The following SYT1 variants were observed in gnomAD, a reference collection of about 807,000 sequenced individuals.
SYT1 encodes the protein synaptotagmin-1.
SYT1 carries 8 observed loss-of-function variants against 44.8 expected under a neutral mutation model. The ratio of observed to expected loss-of-function variants is 0.18; its 90% confidence interval spans 0.10 to 0.32. The LOEUF (loss-of-function observed/expected upper bound fraction) is 0.32. SYT1 is among the 10% of genes least tolerant of loss of function. The pLI is 1.00. For missense variants in SYT1, 286 were observed against 509.3 expected (o/e 0.56, Z 4.22); for synonymous variants, 154 against 188.8 (o/e 0.82, Z 1.51).
intron 1 of SYT1, among the ~76,000 whole-genome samples, chr12:78,920,983 A>G (rs1423142484): frequency 6.6e-6 from 1 of 151,736 alleles, no homozygotes; most frequent in Non-Finnish European, 1.5e-5. Flanking sequence ...TAGATTATCT[A>G]TTTTCTTCTC....
chr12:79,259,945 C>G (rs1208027372), intron 4 of SYT1, among the ~76,000 whole-genome samples: 12 of 152,050 alleles, frequency 7.9e-5, no homozygotes, highest in Admixed American at 7.9e-4. Context: ...ATTTTTCAGG[C>G]CTTGAATAAA....
At chr12:78,887,905 G>T (rs778559646) in intron 1 of SYT1, among the ~76,000 whole-genome samples, 3 of 151,722 alleles carry the variant, frequency 2.0e-5, no homozygotes, top group East Asian at 1.9e-4. Flanking sequence ...TTGAAGACAG[G>T]TTTACACTGT....
intron 1 of SYT1, among the ~76,000 whole-genome samples, chr12:78,891,351 G>C (rs537972641): frequency 6.6e-6 from 1 of 152,000 alleles, no homozygotes; most frequent in Non-Finnish European, 1.5e-5. Flanking sequence ...CATCGATTTG[G>C]TTAGGAATAG....
At chr12:79,360,530 G>A (rs543607388) in intron 9 of SYT1, among the ~76,000 whole-genome samples, 80 of 152,150 alleles carry the variant, frequency 5.3e-4, no homozygotes, top group African/African-American at 1.9e-3. Context: ...TCTGGGAGCC[G>A]GGCCAATAAA....
chr12:78,867,058 G>A (rs1374148106), intron 1 of SYT1, among the ~76,000 whole-genome samples: 29 of 143,128 alleles, frequency 2.0e-4, no homozygotes, highest in Non-Finnish European at 1.5e-4. Context: ...ACATTTAAAT[G>A]AAAAAAAAAA....
intron 3 of SYT1, among the ~76,000 whole-genome samples, chr12:79,050,826 C>T (rs1273857300): frequency 6.6e-6 from 1 of 151,970 alleles, no homozygotes; most frequent in Non-Finnish European, 1.5e-5. Context: ...ACAAGTTTTA[C>T]TTAGTCAATA....
At chr12:79,299,119 T>C (rs1313871473) in intron 7 of SYT1, among the ~76,000 whole-genome samples, 1 of 152,120 alleles carries the variant, frequency 6.6e-6, no homozygotes, top group East Asian at 1.9e-4. Context: ...ATAGTATAAC[T>C]AACAGCAGGA....
At chr12:79,355,652 C>T (rs752726020) in intron 9 of SYT1, among the ~76,000 whole-genome samples, 2 of 152,166 alleles carry the variant, frequency 1.3e-5, no homozygotes, top group African/African-American at 2.4e-5. Flanking sequence ...TTGACCAACA[C>T]ACTCTTTTGC....
intron 2 of SYT1, among the ~76,000 whole-genome samples, chr12:79,000,306 T>C (rs1400687620): frequency 4.0e-5 from 6 of 150,060 alleles, no homozygotes; most frequent in Non-Finnish European, 8.9e-5. Flanking sequence ...TTTTTTTTTT[T>C]TTTTGTGACA....
intron 3 of SYT1, among the ~76,000 whole-genome samples, chr12:79,209,763 G>A (rs1459625479): frequency 1.3e-5 from 2 of 152,220 alleles, no homozygotes; most frequent in East Asian, 1.9e-4. Context: ...CCTCACTTAC[G>A]GATTCTACCT....
intron 3 of SYT1, among the ~76,000 whole-genome samples, chr12:79,069,995 A>C (rs1876153664): frequency 6.6e-6 from 1 of 152,162 alleles, no homozygotes; most frequent in African/African-American, 2.4e-5. Flanking sequence ...CAGGGTTATA[A>C]GAGTGTTCAA....
At chr12:79,129,169 T>C (rs559776967) in intron 3 of SYT1, among the ~76,000 whole-genome samples, 1 of 152,318 alleles carries the variant, frequency 6.6e-6, no homozygotes, top group East Asian at 1.9e-4. Context: ...ACTGCAATAA[T>C]TGGTGTGGCA....
intron 3 of SYT1, among the ~76,000 whole-genome samples, chr12:79,177,970 C>T (rs1384019824): frequency 1.1e-4 from 17 of 149,406 alleles, no homozygotes; most frequent in East Asian, 2.0e-4. Flanking sequence ...GAGTAGTTTG[C>T]GAAAATTTTC....
intron 3 of SYT1, among the ~76,000 whole-genome samples, chr12:79,107,042 A>C (rs138929691): frequency 2.6e-5 from 4 of 152,134 alleles, no homozygotes; most frequent in African/African-American, 9.6e-5. Flanking sequence ...ATATAAATAA[A>C]ATTATAAATG....
At chr12:79,397,135 A>C (rs1295035213) in intron 9 of SYT1, among the ~76,000 whole-genome samples, 1 of 152,244 alleles carries the variant, frequency 6.6e-6, no homozygotes, top group African/African-American at 2.4e-5. Context: ...ATGAGGTCTC[A>C]GAGGCAGGCA....
chr12:79,002,280 C>T (rs1268896162), intron 2 of SYT1, among the ~76,000 whole-genome samples: 2 of 152,040 alleles, frequency 1.3e-5, no homozygotes, highest in Non-Finnish European at 2.9e-5. Context: ...CCTCCCCAGT[C>T]GAAAGACTAT....
At chr12:78,866,751 A>G (rs189510591) in intron 1 of SYT1, among the ~76,000 whole-genome samples, 562 of 152,282 alleles carry the variant, frequency 3.7e-3, no homozygotes, top group Middle Eastern at 0.014. Flanking sequence ...CTTTTTATTT[A>G]TCAGGGGAAA....
chr12:78,933,252 A>G (rs181670703), intron 1 of SYT1, among the ~76,000 whole-genome samples: 2 of 152,276 alleles, frequency 1.3e-5, no homozygotes, highest in East Asian at 3.9e-4. Flanking sequence ...ACCTCAGTGT[A>G]TCAACTTCTG....
intron 3 of SYT1, among the ~76,000 whole-genome samples, chr12:79,061,673 C>T (rs898009355): frequency 2.7e-4 from 41 of 152,126 alleles, no homozygotes; most frequent in Non-Finnish European, 8.8e-5. Flanking sequence ...AGCAGGTAGA[C>T]ATAGCTTAAC....
Sources: gnomAD v4.1 joint callset for allele counts (sites outside exome capture counted in the v4.1 genomes callset) on GRCh38, gnomAD v4.1.1 for gene constraint, MANE v1.5 for transcripts, NCBI Gene and HGNC (gene_info 2026-07-23, HGNC 2026-07-21) for gene names.